SLC9A7: variants seen among roughly 807,000 people sequenced by gnomAD.
SLC9A7 encodes the protein solute carrier family 9 member A7.
SLC9A7 carries 19 observed loss-of-function variants against 52.6 expected under a neutral mutation model. That is an observed-to-expected ratio of 0.36 (90% CI 0.25 to 0.53). The LOEUF is 0.53. Ranked by LOEUF, SLC9A7 falls within the 20% of genes least tolerant of loss-of-function variation. The probability of loss-of-function intolerance (pLI) is 0.91; values close to 1 mark genes in which losing one functional copy is unlikely to be tolerated. For missense variants in SLC9A7, 455 were observed against 597.9 expected, an observed-to-expected ratio of 0.76 and a Z score of 2.49; for synonymous variants, 226 against 252.1, an observed-to-expected ratio of 0.90 and a Z score of 0.98.
chrX:46,725,105 C>T, intron 1 of SLC9A7: 1 of 575,600 alleles, frequency 1.7e-6, no homozygotes, highest in Non-Finnish European at 3.1e-6. Context: ...TTTCCTAGTC[C>T]CCTAGTCCCA....
chrX:46,726,214 A>G (rs757180933), intron 1 of SLC9A7, among the ~76,000 whole-genome samples: 4 of 111,345 alleles, frequency 3.6e-5, no homozygotes, highest in Admixed American at 9.6e-5. Flanking sequence ...TGATCACACC[A>G]GTGCACTGCA....
intron 12 of SLC9A7, 96 bp downstream of exon 12, chrX:46,643,140 T>C: frequency 1.2e-6 from 1 of 820,154 alleles, no homozygotes; most frequent in Non-Finnish European, 1.7e-6. Flanking sequence ...GTAAAAGGTT[T>C]CCATGAACTA....
At chrX:46,711,510 C>T (rs955174747) in intron 1 of SLC9A7, among the ~76,000 whole-genome samples, 2 of 111,602 alleles carry the variant, frequency 1.8e-5, no homozygotes, top group East Asian at 5.6e-4. Flanking sequence ...TTCCCTTCTA[C>T]CTCGGAGGCA....
intron 1 of SLC9A7, chrX:46,725,171 G>C: frequency 1.3e-6 from 1 of 790,775 alleles, no homozygotes; most frequent in Non-Finnish European, 2.0e-6. Flanking sequence ...ATGAAGTAGG[G>C]ATCTGTGGCA....
intron 1 of SLC9A7, among the ~76,000 whole-genome samples, chrX:46,746,961 TA>T (rs1248101491): frequency 8.9e-6 from 1 of 112,182 alleles, no homozygotes; most frequent in Admixed American, 9.4e-5. Context: ...TATTCAGCCA[TA>T]AAAAAGAATG....
chrX:46,661,551 TA>T (rs1331953229), intron 7 of SLC9A7, among the ~76,000 whole-genome samples: 1 of 111,489 alleles, frequency 9.0e-6, no homozygotes, highest in African/African-American at 3.3e-5. Flanking sequence ...ACTGTTTTTT[TA>T]GTTTGTTTAA....
intron 1 of SLC9A7, among the ~76,000 whole-genome samples, chrX:46,683,161 T>C (rs56276644): frequency 4.6e-4 from 50 of 108,211 alleles, no homozygotes; most frequent in Non-Finnish European, 8.0e-4. Context: ...CTCAGGCTTC[T>C]AGTGGAGGAA....
At chrX:46,655,348 T>A (rs1943659960) in intron 7 of SLC9A7, among the ~76,000 whole-genome samples, 1 of 111,897 alleles carries the variant, frequency 8.9e-6, no homozygotes, top group Non-Finnish European at 1.9e-5. Context: ...TAATTATTTT[T>A]ATCATGATTG....
intron 12 of SLC9A7, among the ~76,000 whole-genome samples, chrX:46,639,435 C>A (rs1047249055): frequency 1.8e-5 from 2 of 109,759 alleles, no homozygotes; most frequent in African/African-American, 6.7e-5. Flanking sequence ...GCACCTGCCA[C>A]CACTCCAAGC....
chrX:46,613,378 G>A lies in SLC9A7; in HGVS notation c.1840C>T (p.Leu614Phe). ...SFDHNYLKPI[L>F]THSGPPLTTT... ...GTTAGTGGGGGACCACTGTGTGTGA[G>A]GATGGGCTTCAGGTAACTTTAAAAT... The change falls in exon 16 of 17, where the codon CTC becomes TTC. Residue 614 changes from leucine (L) to phenylalanine (F), a missense_variant. By Grantham distance (22) the Leu-to-Phe change is conservative. Around this residue, in one of 3 missense-constraint regions of SLC9A7, gnomAD observed 146 missense variants for 160.5 expected, o/e 0.91. Transcript: ENST00000616978. The A allele has an allele frequency of 2.5e-6, 3 of 1,195,801 alleles. No homozygotes were observed. Among genetic ancestry groups the A allele is most frequent in the Non-Finnish European group, 3.4e-6 (3 of 885,440 alleles).
chrX:46,706,971 C>T (rs1362910364), intron 1 of SLC9A7, among the ~76,000 whole-genome samples: 1 of 110,908 alleles, frequency 9.0e-6, no homozygotes, highest in Non-Finnish European at 1.9e-5. Context: ...GAACTCCTGG[C>T]CTCAGGTGTT....
chrX:46,661,236 G>A (rs1162750823), intron 7 of SLC9A7, among the ~76,000 whole-genome samples: 2 of 109,377 alleles, frequency 1.8e-5, no homozygotes, highest in Non-Finnish European at 3.8e-5. Flanking sequence ...GTGGGGGAAG[G>A]GGGGAGGGAT....
intron 3 of SLC9A7, among the ~76,000 whole-genome samples, chrX:46,675,788 C>T (rs1012319948): frequency 9.8e-5 from 11 of 112,798 alleles, no homozygotes; most frequent in African/African-American, 3.5e-4. Context: ...CAAGAAGAAT[C>T]TGAACACACA....
rs770880707 is a variant in SLC9A7 at position 46,679,771 on chromosome X, G to A, written c.526-16C>T. On this transcript the variant is annotated splice_polypyrimidine_tract_variant and intron_variant, in intron 2 of 16. Coordinates refer to ENST00000616978, the MANE Select transcript of SLC9A7 (RefSeq NM_001257291.2). ...CGAATGTTACCTGAAAGTTTAAAAA[G>A]AAAAAAAAGCCAATTTTTTATTTAA... The A allele has an allele frequency of 8.2e-6, 9 of 1,092,787 alleles. No individual in the cohort carries two copies. Among genetic ancestry groups the A allele is most frequent in the Admixed American group, 7.9e-5 (3 of 38,150 alleles). 90.1% of individuals were successfully genotyped at this position (1,092,787 alleles called of 1,213,427 possible). A position where few individuals can be genotyped will look rare whatever the true frequency, so the allele number is the denominator to read the frequency against.
At chrX:46,731,432 T>TATATTAAAAAAA (rs748259550) in intron 1 of SLC9A7, among the ~76,000 whole-genome samples, 11 of 78,275 alleles carry the variant, frequency 1.4e-4, no homozygotes, top group Middle Eastern at 7.1e-3. Context: ...TATAAAAAAT[T>TATATTAAAAAAA]AAAAAAAATT....
At chrX:46,707,977 C>T (rs1019924408) in intron 1 of SLC9A7, among the ~76,000 whole-genome samples, 2 of 109,994 alleles carry the variant, frequency 1.8e-5, no homozygotes, top group African/African-American at 3.3e-5. Flanking sequence ...TGACCTCAAG[C>T]GATCCACCCG....
At chrX:46,647,171 T>C in intron 11 of SLC9A7, 1 of 300,164 alleles carries the variant, frequency 3.3e-6, no homozygotes, top group Non-Finnish European at 6.4e-6. Flanking sequence ...TGATGTGAAG[T>C]AGATGTTGAA....
At chrX:46,748,544 A>C (rs892192668) in intron 1 of SLC9A7, among the ~76,000 whole-genome samples, 1 of 94,419 alleles carries the variant, frequency 1.1e-5, no homozygotes, top group Non-Finnish European at 2.1e-5. Context: ...ATAAATGTGG[A>C]GTGTGTGTGT....
chrX:46,654,553 G>T (rs1466452618), intron 7 of SLC9A7, among the ~76,000 whole-genome samples: 1 of 111,160 alleles, frequency 9.0e-6, no homozygotes, highest in Non-Finnish European at 1.9e-5. Context: ...GAGAGGCATG[G>T]TCATGACGTC....
Sources: gnomAD v4.1 joint callset for allele counts (sites outside exome capture counted in the v4.1 genomes callset) on GRCh38, gnomAD v4.1.1 for gene constraint, gnomAD v4.1.1 regional missense constraint, MANE v1.5 for transcripts, NCBI Gene and HGNC (gene_info 2026-07-23, HGNC 2026-07-21) for gene names.